The following FCHO2 variants were observed in gnomAD, a reference collection of about 807,000 sequenced individuals.
The protein encoded by FCHO2 is F-BAR domain only protein 2.
A neutral mutation model predicts 114.1 loss-of-function variants in FCHO2; 43 were observed. That is an observed-to-expected ratio of 0.38 (90% CI 0.30 to 0.49). The LOEUF (loss-of-function observed/expected upper bound fraction) is 0.49, where lower values mean the gene tolerates loss of function less well. Ranked by LOEUF, FCHO2 falls within the 20% of genes least tolerant of loss-of-function variation. The probability of loss-of-function intolerance (pLI) is 0.97; values close to 1 mark genes in which losing one functional copy is unlikely to be tolerated. For synonymous variants in FCHO2, 293 were observed against 315.2 expected, an observed-to-expected ratio of 0.93 and a Z score of 0.75; for missense variants, 807 against 950.4, an observed-to-expected ratio of 0.85 and a Z score of 1.98.
intron 1 of FCHO2, among the ~76,000 whole-genome samples, chr5:72,967,084 G>A (rs1752243613): frequency 6.6e-6 from 1 of 152,106 alleles, no homozygotes; most frequent in African/African-American, 2.4e-5. Flanking sequence ...CCAGGAGTTC[G>A]AGACCTGCCT....
chr5:72,960,375 G>A (rs1751791043), intron 1 of FCHO2, among the ~76,000 whole-genome samples: 1 of 152,210 alleles, frequency 6.6e-6, no homozygotes. Flanking sequence ...TTTTTGCCAC[G>A]AAGTATAGCA....
At chr5:73,074,915 G>A in intron 20 of FCHO2, 62 bp downstream of exon 20, 1 of 1,293,824 alleles carries the variant, frequency 7.7e-7, no homozygotes, top group East Asian at 2.6e-5. Context: ...GGAGGTGGTG[G>A]GGCTTGGTGG....
chr5:72,969,716 TC>T (rs1752412430), intron 2 of FCHO2, among the ~76,000 whole-genome samples: 1 of 152,210 alleles, frequency 6.6e-6, no homozygotes, highest in Non-Finnish European at 1.5e-5. Context: ...TCTATCCCTT[TC>T]TGATTCTTTG....
intron 8 of FCHO2, among the ~76,000 whole-genome samples, chr5:73,020,343 T>G (rs542851787): frequency 6.6e-6 from 1 of 152,302 alleles, no homozygotes; most frequent in Non-Finnish European, 1.5e-5. Flanking sequence ...AGGGCTACAG[T>G]CTACATCTGG....
At chr5:73,010,590 T>G (rs981767688) in intron 6 of FCHO2, among the ~76,000 whole-genome samples, 2 of 151,960 alleles carry the variant, frequency 1.3e-5, no homozygotes, top group Non-Finnish European at 2.9e-5. Flanking sequence ...AATGTACTTA[T>G]GCCTGGCCAG....
At chr5:73,082,730 C>A (rs773142487) in intron 23 of FCHO2, 31 bp from the exon 24 acceptor site, 2 of 1,578,106 alleles carry the variant, frequency 1.3e-6, no homozygotes, top group Admixed American at 1.8e-5. Flanking sequence ...ATACTAGACA[C>A]AAAACCTGAA....
chr5:73,077,454 G>C lies in FCHO2; in HGVS notation c.1808G>C (p.Arg603Thr). The change falls in exon 21 of 26, where the codon AGA becomes ACA. Residue 603 changes from arginine to threonine, a missense_variant. Coordinates refer to ENST00000430046, the MANE Select transcript of FCHO2 (RefSeq NM_138782.3). ...TGCTTCAGGGTGAAAAATATCAGCA[G>C]ACTAGAGCAGATTCTTCCAAATGCA... ...VLCFRVKNIS[R>T]LEQILPNAQL... is the part of the protein sequence containing the mutation. The C allele has an allele frequency of 6.2e-7, 1 of 1,603,050 alleles. No homozygotes were observed. The highest frequency in any genetic ancestry group is 1.1e-5 in the South Asian group (1 of 88,884).
chr5:72,979,441 G>T (rs1034345633), intron 2 of FCHO2, among the ~76,000 whole-genome samples: 7 of 126,820 alleles, frequency 5.5e-5, no homozygotes, highest in South Asian at 2.5e-4. Context: ...GCCCAGGCTG[G>T]AGTGCAGTGG....
At chr5:73,077,254 G>A in intron 20 of FCHO2, 84 bp from the exon 21 acceptor site, 1 of 1,252,286 alleles carries the variant, frequency 8.0e-7, no homozygotes, top group Non-Finnish European at 1.1e-6. Context: ...GTGCGCACGT[G>A]CACGCGTGTG....
chr5:73,071,157 G>A (rs1742627350), intron 19 of FCHO2, among the ~76,000 whole-genome samples: 1 of 151,878 alleles, frequency 6.6e-6, no homozygotes, highest in Admixed American at 6.6e-5. Flanking sequence ...TGCTGAATAG[G>A]ATCCATTATA....
At chr5:73,072,690 C>T (rs1482891215) in intron 19 of FCHO2, among the ~76,000 whole-genome samples, 1 of 152,014 alleles carries the variant, frequency 6.6e-6, no homozygotes, top group Non-Finnish European at 1.5e-5. Flanking sequence ...TAGTCAAACT[C>T]ATAGAGACAG....
intron 2 of FCHO2, among the ~76,000 whole-genome samples, chr5:72,977,150 A>G (rs1425679312): frequency 6.6e-6 from 1 of 152,194 alleles, no homozygotes; most frequent in Non-Finnish European, 1.5e-5. Flanking sequence ...CAGTAATGGG[A>G]TTGCTGGGTC....
chr5:73,057,947 T>C (rs1757673909), intron 16 of FCHO2, among the ~76,000 whole-genome samples: 1 of 152,198 alleles, frequency 6.6e-6, no homozygotes. Context: ...AAATATTGGC[T>C]GTTAAATCTG....
intron 11 of FCHO2, 138 bp from the exon 12 acceptor site, chr5:73,051,211 G>A (rs889212944): frequency 9.1e-6 from 5 of 552,478 alleles, no homozygotes; most frequent in Non-Finnish European, 1.6e-5. Flanking sequence ...ATTTTTCTTC[G>A]GTGTTCATCA....
intron 1 of FCHO2, among the ~76,000 whole-genome samples, chr5:72,962,856 G>A (rs777087601): frequency 4.6e-5 from 7 of 151,630 alleles, no homozygotes; most frequent in Admixed American, 1.3e-4. Context: ...TCACGCCACT[G>A]TACTCCAGTT....
chr5:72,957,332 A>G (rs1751608343), intron 1 of FCHO2, among the ~76,000 whole-genome samples: 1 of 152,166 alleles, frequency 6.6e-6, no homozygotes, highest in African/African-American at 2.4e-5. Flanking sequence ...TTTTACAACA[A>G]TTTCGTTATC....
At chr5:72,983,704 C>T (rs78613860) in intron 2 of FCHO2, among the ~76,000 whole-genome samples, 6,392 of 151,948 alleles carry the variant, frequency 0.042, 161 homozygotes, top group Non-Finnish European at 0.062. Context: ...TTTATTGTAG[C>T]TTCATAATAA....
chr5:73,031,098 C>T (rs1190579990), intron 8 of FCHO2, among the ~76,000 whole-genome samples: 1 of 152,176 alleles, frequency 6.6e-6, no homozygotes, highest in Non-Finnish European at 1.5e-5. Flanking sequence ...TCACCACAAA[C>T]TGGAGTGTGA....
chr5:73,031,640 T>C (rs765860080), intron 8 of FCHO2, among the ~76,000 whole-genome samples: 52 of 152,342 alleles, frequency 3.4e-4, no homozygotes, highest in Non-Finnish European at 6.6e-4. Context: ...GCTTTTCTTA[T>C]AGCATTTATT....
Sources: allele counts gnomAD v4.1 joint callset (sites outside exome capture counted in the v4.1 genomes callset), GRCh38; gene constraint gnomAD v4.1.1; transcripts MANE v1.5; gene names NCBI Gene and HGNC (gene_info 2026-07-23, HGNC 2026-07-21).